Variants in CTNND2 observed in about 807,000 individuals in gnomAD.
The protein encoded by CTNND2 is catenin delta-2.
A neutral mutation model predicts 144.4 loss-of-function variants in CTNND2; 22 were observed. The observed-to-expected ratio is 0.15, with a 90% CI of 0.11 to 0.22. CTNND2 has a LOEUF of 0.22. CTNND2 is among the 10% of genes least tolerant of loss of function. The pLI, the probability that CTNND2 is intolerant of heterozygous loss-of-function variation, is 1.00. For missense variants in CTNND2, 1,353 were observed against 1,618.8 expected (o/e 0.84, Z 2.82); for synonymous variants, 751 against 695.6 (o/e 1.08, Z -1.25).
At chr5:11,691,097 C>A (rs1241446359) in intron 2 of CTNND2, among the ~76,000 whole-genome samples, 1 of 152,046 alleles carries the variant, frequency 6.6e-6, no homozygotes, top group Non-Finnish European at 1.5e-5. Context: ...AATGGCCGGG[C>A]GCGGTGGCTC....
At chr5:11,580,195 A>G (rs1778315145) in intron 2 of CTNND2, among the ~76,000 whole-genome samples, 1 of 152,138 alleles carries the variant, frequency 6.6e-6, no homozygotes, top group South Asian at 2.1e-4. Flanking sequence ...GGGACTCAGG[A>G]AATACTATCA....
At chr5:11,875,084 G>A (rs1317663746) in intron 1 of CTNND2, among the ~76,000 whole-genome samples, 1 of 152,176 alleles carries the variant, frequency 6.6e-6, no homozygotes, top group Non-Finnish European at 1.5e-5. Context: ...TTTCACTTAA[G>A]TGGATAACTT....
At chr5:11,006,300 A>G (rs1054741955) in intron 18 of CTNND2, among the ~76,000 whole-genome samples, 1 of 152,220 alleles carries the variant, frequency 6.6e-6, no homozygotes. Context: ...ATGCCCATCT[A>G]GACCACATGT....
chr5:11,522,946 A>G (rs1387315448), intron 3 of CTNND2, among the ~76,000 whole-genome samples: 1 of 152,226 alleles, frequency 6.6e-6, no homozygotes, highest in East Asian at 1.9e-4. Flanking sequence ...TTGCTGTGTG[A>G]AAACTGGGAC....
At chr5:11,733,449 T>C (rs753461834) in intron 1 of CTNND2, among the ~76,000 whole-genome samples, 1 of 152,188 alleles carries the variant, frequency 6.6e-6, no homozygotes, top group Non-Finnish European at 1.5e-5. Context: ...GTGTTTGTTG[T>C]TGTTGTGTGA....
intron 7 of CTNND2, among the ~76,000 whole-genome samples, chr5:11,367,383 C>G (rs540116114): frequency 3.3e-5 from 5 of 152,262 alleles, no homozygotes; most frequent in Non-Finnish European, 5.9e-5. Flanking sequence ...CATTTTAGAT[C>G]CATATGAACA....
intron 2 of CTNND2, among the ~76,000 whole-genome samples, chr5:11,674,580 T>C (rs572179377): frequency 6.6e-6 from 1 of 152,376 alleles, no homozygotes; most frequent in African/African-American, 2.4e-5. Flanking sequence ...GTGCATTCTA[T>C]GGGTTTGAAG....
At chr5:11,802,737 T>C (rs1041730679) in intron 1 of CTNND2, among the ~76,000 whole-genome samples, 1 of 152,218 alleles carries the variant, frequency 6.6e-6, no homozygotes, top group Non-Finnish European at 1.5e-5. Flanking sequence ...TACTGAACAA[T>C]TTCCCATGAT....
At chr5:11,673,720 C>A (rs1448056613) in intron 2 of CTNND2, among the ~76,000 whole-genome samples, 3 of 152,012 alleles carry the variant, frequency 2.0e-5, no homozygotes, top group Non-Finnish European at 4.4e-5. Flanking sequence ...CTAATTTTTA[C>A]ATGAAAAGTG....
At chr5:11,900,751 T>C (rs1386397839) in intron 1 of CTNND2, among the ~76,000 whole-genome samples, 12 of 152,178 alleles carry the variant, frequency 7.9e-5, no homozygotes, top group South Asian at 2.1e-4. Context: ...GGCAGTGTAT[T>C]TCCAACTTGC....
At chr5:11,727,056 C>T (rs1787063796) in intron 2 of CTNND2, among the ~76,000 whole-genome samples, 1 of 152,194 alleles carries the variant, frequency 6.6e-6, no homozygotes, top group Admixed American at 6.5e-5. Context: ...ATAACTGGAA[C>T]TCCCAGCACA....
chr5:11,653,753 T>A (rs989499287), intron 2 of CTNND2, among the ~76,000 whole-genome samples: 1 of 151,856 alleles, frequency 6.6e-6, no homozygotes, highest in African/African-American at 2.4e-5. Flanking sequence ...TAGGCTTGTT[T>A]GGTTTTTTTT....
At chr5:11,488,071 G>A (rs7722183) in intron 3 of CTNND2, among the ~76,000 whole-genome samples, 1,974 of 152,260 alleles carry the variant, frequency 0.013, 39 homozygotes, top group African/African-American at 0.046. Flanking sequence ...GGCAATTTGC[G>A]CAGCTACAAA....
Position 11,903,925 on chromosome 5 carries a change from G to A in CTNND2, c.-72C>T. ...CGGCGCCGCCCGGCTTCAGGGCAAG[G>A]TCCTGACCTTGCCCAACTGCAGCAT... On this transcript the variant is annotated 5_prime_UTR_variant, in exon 1 of 22. Transcript: ENST00000304623. The surrounding 1 kb of genome is among the most constrained non-coding windows in gnomAD (Gnocchi z 5.4). 5.2e-6 allele frequency: 7 copies of A among 1,352,942 alleles called. No homozygotes were observed. The highest frequency in any genetic ancestry group is 4.7e-6 in the Non-Finnish European group (5 of 1,056,346). 83.8% of individuals were successfully genotyped at this position (1,352,942 alleles called of 1,614,324 possible).
At chr5:11,307,474 T>C (rs956703609) in intron 9 of CTNND2, among the ~76,000 whole-genome samples, 3 of 152,112 alleles carry the variant, frequency 2.0e-5, no homozygotes, top group Admixed American at 1.3e-4. Flanking sequence ...TGTAAAAATA[T>C]GACAGGGGCC....
At chr5:11,351,324 A>C (rs1223336240) in intron 8 of CTNND2, among the ~76,000 whole-genome samples, 1 of 152,138 alleles carries the variant, frequency 6.6e-6, no homozygotes, top group African/African-American at 2.4e-5. Context: ...CCTGCTCTAC[A>C]AACAGCCCCT....
In CTNND2 at chr5:11,064,105, G is replaced by C. The variant is rs181188935; in HGVS notation, c.2788+18591C>G. On this transcript the variant is annotated intron_variant, in intron 16 of 21. Transcript: ENST00000304623. Reference sequence around the variant, plus strand: ...GAACTTCAGGGAACTTGGGGGTGGGGAGGGCTGGAAGAAATGGAGTCCTCT... The same window carrying C: ...GAACTTCAGGGAACTTGGGGGTGGGCAGGGCTGGAAGAAATGGAGTCCTCT... 4.7e-3 allele frequency among the ~76,000 whole-genome samples: 714 copies of C among 152,258 alleles called. 4 individuals are homozygous for C. The highest frequency in any genetic ancestry group is 7.4e-3 in the Non-Finnish European group (501 of 68,018).
At chr5:11,491,827 A>G (rs1215116304) in intron 3 of CTNND2, among the ~76,000 whole-genome samples, 3 of 152,192 alleles carry the variant, frequency 2.0e-5, no homozygotes, top group Non-Finnish European at 4.4e-5. Flanking sequence ...GTTTTAAATA[A>G]CATATCTGAG....
At chr5:11,477,093 G>C (rs1358573253) in intron 3 of CTNND2, among the ~76,000 whole-genome samples, 1 of 152,202 alleles carries the variant, frequency 6.6e-6, no homozygotes, top group African/African-American at 2.4e-5. Context: ...AGACTGTGTT[G>C]ATTGTCTATT....
Sources: gnomAD v4.1 joint callset for allele counts (sites outside exome capture counted in the v4.1 genomes callset) on GRCh38, gnomAD v4.1.1 for gene constraint, Gnocchi (gnomAD v3.1) non-coding constraint, MANE v1.5 for transcripts, NCBI Gene and HGNC (gene_info 2026-07-23, HGNC 2026-07-21) for gene names.